NRCAM: variants seen among roughly 807,000 people sequenced by gnomAD.
NRCAM encodes the protein NgCAM-related cell adhesion molecule.
A neutral mutation model predicts 156.5 loss-of-function variants in NRCAM; 83 were observed. The ratio of observed to expected loss-of-function variants is 0.53; its 90% CI spans 0.44 to 0.64. The LOEUF is 0.64. Ranked by LOEUF, NRCAM falls within the 30% of genes least tolerant of loss-of-function variation. The pLI is 0.00. For missense variants in NRCAM, 1,417 were observed against 1,597.3 expected (o/e 0.89, Z 1.92); for synonymous variants, 538 against 563.9 (o/e 0.95, Z 0.65).
At chr7:108,215,507 G>A (rs60426626) in intron 11 of NRCAM, among the ~76,000 whole-genome samples, 9,365 of 151,962 alleles carry the variant, frequency 0.062, 981 homozygotes, top group African/African-American at 0.21. Flanking sequence ...GAGCCACCGC[G>A]CCTGGCCATC....
At chr7:108,277,606 C>G (rs2097687728) in intron 3 of NRCAM, among the ~76,000 whole-genome samples, 1 of 152,180 alleles carries the variant, frequency 6.6e-6, no homozygotes, top group Non-Finnish European at 1.5e-5. Flanking sequence ...GAGGTCTTCT[C>G]TACACTGGTT....
rs546534821 is a variant in NRCAM, at chr7:108,148,931, T to A, written c.*979A>T. ...ACTGTCTTATTTTTATTTTCATGTT[T>A]CCTTCTTTTCCCAGCATTGCAGTTT... On this transcript the variant is annotated 3_prime_UTR_variant, in exon 33 of 33. Coordinates refer to ENST00000379028, the MANE Select transcript of NRCAM (RefSeq NM_001037132.4). The A allele has an allele frequency of 6.5e-6, 1 of 152,766 alleles. No homozygotes were observed. The highest frequency in any genetic ancestry group is 1.9e-4 in the East Asian group (1 of 5,192). The allele number at this position is 152,766 out of a possible 1,614,324, so 9.5% of individuals were successfully genotyped here. A position where few individuals can be genotyped will look rare whatever the true frequency, so the allele number is the denominator to read the frequency against.
intron 2 of NRCAM, among the ~76,000 whole-genome samples, chr7:108,385,611 A>C (rs1265750145): frequency 1.3e-5 from 2 of 152,206 alleles, no homozygotes; most frequent in African/African-American, 4.8e-5. Context: ...TACATGTTAG[A>C]ACACAGAGGC....
At chr7:108,231,489 G>T (rs895787052) in intron 7 of NRCAM, among the ~76,000 whole-genome samples, 1 of 151,254 alleles carries the variant, frequency 6.6e-6, no homozygotes, top group Non-Finnish European at 1.5e-5. Context: ...AAAAAGATTT[G>T]CTAAATAAAG....
At chr7:108,447,256 TTTC>T (rs1161974989) in intron 1 of NRCAM, among the ~76,000 whole-genome samples, 4 of 136,700 alleles carry the variant, frequency 2.9e-5, no homozygotes, top group East Asian at 2.1e-4. Flanking sequence ...AGTTCACTTC[TTTC>T]TTTTTTTTTT....
At chr7:108,368,240 C>A (rs2099605925) in intron 2 of NRCAM, among the ~76,000 whole-genome samples, 1 of 133,026 alleles carries the variant, frequency 7.5e-6, no homozygotes. Flanking sequence ...CCCCACCCCC[C>A]CGCCTGCTCA....
intron 1 of NRCAM, among the ~76,000 whole-genome samples, chr7:108,425,804 G>A (rs1170571975): frequency 6.6e-6 from 1 of 152,020 alleles, no homozygotes; most frequent in African/African-American, 2.4e-5. Flanking sequence ...ACATTGTCTA[G>A]GTGCGTCCTG....
At chr7:108,197,590 A>G (rs1242349151) in intron 14 of NRCAM, among the ~76,000 whole-genome samples, 1 of 152,212 alleles carries the variant, frequency 6.6e-6, no homozygotes, top group Non-Finnish European at 1.5e-5. Flanking sequence ...AGTTTTTAAA[A>G]ATCAGAATCA....
chr7:108,381,718 C>T (rs1468557857), intron 2 of NRCAM, among the ~76,000 whole-genome samples: 6 of 152,078 alleles, frequency 3.9e-5, no homozygotes, highest in Non-Finnish European at 8.8e-5. Context: ...TACCACCATG[C>T]CCGGCTAATT....
rs187414304 is a variant in NRCAM, at chr7:108,380,263, A to G, written c.-174+19173T>C. On this transcript the variant is annotated intron_variant, in intron 2 of 32. Transcript: ENST00000379028. ...ATGAAATTAATTATATGAGGTTTAA[A>G]AATATTTAAAGTTATGTAACAATTT... Among the ~76,000 whole-genome samples the G allele has an allele frequency of 3.9e-5, 6 of 152,330 alleles. No homozygotes were observed. The East Asian group carries it at 1.2e-3, about 29-fold the overall frequency.
At chr7:108,335,461 A>ATTTTTTTTTTTTTTTTTTTT (rs2099173387) in intron 2 of NRCAM, among the ~76,000 whole-genome samples, 1 of 25,548 alleles carries the variant, frequency 3.9e-5, no homozygotes, top group African/African-American at 1.5e-4. Flanking sequence ...TTTTTTTTTC[A>ATTTTTTTTTTTTTTTTTTTT]GTTTTCACTG....
Position 108,181,837 on chromosome 7 carries a change from G to A in NRCAM, c.2631C>T (p.His877=), listed in dbSNP as rs775886630. Residue 877 remains histidine, a synonymous_variant, in exon 24 of 33, where the codon CAC becomes CAT. Transcript: ENST00000379028. ...DPVPLKSIRG[H]LQGYRIYYWK... ...TTTCACTTGCCCGATAGCCTTGTAGGTGTCCTCGGATGCTTTTCAGAGGTA... is the reference window on the plus strand; with the variant it reads ...TTTCACTTGCCCGATAGCCTTGTAGATGTCCTCGGATGCTTTTCAGAGGTA... 2 of 1,613,230 alleles carry A rather than the reference G, an allele frequency of 1.2e-6. No homozygotes were observed. The highest frequency in any genetic ancestry group is 2.7e-5 in the African/African-American group (2 of 74,868).
intron 2 of NRCAM, chr7:108,328,332 G>A (rs2099091695): frequency 6.6e-6 from 1 of 152,168 alleles, no homozygotes. Context: ...TCATTAAAAC[G>A]ATACCTGAGA....
chr7:108,311,936 A>C (rs1478165069), intron 3 of NRCAM, among the ~76,000 whole-genome samples: 1 of 152,202 alleles, frequency 6.6e-6, no homozygotes, highest in Non-Finnish European at 1.5e-5. Context: ...TAATTCCTTA[A>C]AAAAGCTATT....
At chr7:108,337,443 G>A (rs2099210127) in intron 2 of NRCAM, among the ~76,000 whole-genome samples, 1 of 152,124 alleles carries the variant, frequency 6.6e-6, no homozygotes, top group Non-Finnish European at 1.5e-5. Flanking sequence ...CAGACCCACT[G>A]CTGACTTCCA....
intron 11 of NRCAM, among the ~76,000 whole-genome samples, chr7:108,221,297 T>C (rs1355658867): frequency 6.6e-6 from 1 of 152,174 alleles, no homozygotes; most frequent in African/African-American, 2.4e-5. Flanking sequence ...TGGAGATTCC[T>C]TAAAGTACCA....
chr7:108,341,046 A>AGCCTTTAGGGCCT (rs1313276044), intron 2 of NRCAM, among the ~76,000 whole-genome samples: 3 of 152,300 alleles, frequency 2.0e-5, no homozygotes, highest in African/African-American at 7.2e-5. Context: ...GGGCAAATCC[A>AGCCTTTAGGGCCT]ATGCCTAATA....
At chr7:108,431,028 A>G (rs1824385538) in intron 1 of NRCAM, among the ~76,000 whole-genome samples, 1 of 152,232 alleles carries the variant, frequency 6.6e-6, no homozygotes, top group Non-Finnish European at 1.5e-5. Flanking sequence ...CCTGTCATGT[A>G]CATGTTTGCT....
chr7:108,297,895 A>G (rs934838159), intron 3 of NRCAM, among the ~76,000 whole-genome samples: 1 of 152,204 alleles, frequency 6.6e-6, no homozygotes, highest in Admixed American at 6.5e-5. Flanking sequence ...GACCTAAAGA[A>G]GAAGCAGCGA....
Sources: gnomAD v4.1 joint callset for allele counts (sites outside exome capture counted in the v4.1 genomes callset) on GRCh38, gnomAD v4.1.1 for gene constraint, MANE v1.5 for transcripts, NCBI Gene and HGNC (gene_info 2026-07-23, HGNC 2026-07-21) for gene names.